PLCD3: variants seen among roughly 807,000 people sequenced by gnomAD.
PLCD3 encodes 1-phosphatidylinositol 4,5-bisphosphate phosphodiesterase delta-3.
A neutral mutation model predicts 82.8 loss-of-function variants in PLCD3; 62 were observed. That is an observed-to-expected ratio of 0.75 (90% CI 0.61 to 0.93). The LOEUF is 0.93. Among genes scored for constraint, PLCD3 ranks in the 40% least tolerant of loss-of-function variants. PLCD3 has a pLI of 0.00. For synonymous variants in PLCD3, 478 were observed against 471.8 expected (o/e 1.01, Z -0.17); for missense variants, 1,023 against 1,103.4 (o/e 0.93, Z 1.03).
At chr17:45,114,407 G>A (rs776732308) in intron 10 of PLCD3, 41 bp from the exon 11 acceptor site, 6 of 1,487,510 alleles carry the variant, frequency 4.0e-6, no homozygotes, top group Non-Finnish European at 4.5e-6. Flanking sequence ...GACTCCGGGG[G>A]TCCCTCACCC....
Position 45,112,659 on chromosome 17 carries a change from G to A in PLCD3, c.2327C>T (p.Ser776Leu). The change falls in exon 15 of 15, where the codon TCA (serine) becomes TTA (leucine). Residue 776 changes from serine (S) to leucine (L), a missense_variant. By Grantham distance (145) the Ser-to-Leu change is moderately radical. This residue lies in a region of PLCD3 where 553 missense variants were observed against 655.7 expected (regional missense o/e 0.84). Coordinates refer to ENST00000619929, the MANE Select transcript of PLCD3 (RefSeq NM_133373.5). ...HLLSKDGASL[S>L]PATLFIQIRI... ...GATTTGGATGAAGAGCGTGGCTGGT[G>A]ACAGTGAGGCCCCGTCCTTGGAAAG... The A allele has an allele frequency of 6.2e-7, 1 of 1,607,460 alleles. No individual in the cohort carries two copies. The highest frequency in any genetic ancestry group is 8.5e-7 in the Non-Finnish European group (1 of 1,177,328).
intron 10 of PLCD3, 133 bp downstream of exon 10, chr17:45,114,961 C>T: frequency 1.5e-6 from 2 of 1,321,706 alleles, no homozygotes; most frequent in Non-Finnish European, 2.0e-6. Context: ...CCCTCATTCC[C>T]TCAGCCCAGC....
At position 45,116,683 on chromosome 17, in the gene PLCD3, C is replaced by A; in HGVS notation, c.1362G>T (p.Leu454=). The part of the protein sequence containing the change: ...RHLCTILGDM[L]VTQALDSPNP... ...TTGGGGAGTCCAGCGCCTGTGTCAC[C>A]AGCATGTCCCCCAGGATGGTGCAGA... The change falls in exon 8 of 15, where the codon CTG becomes CTT. Residue 454 remains leucine (L), a synonymous_variant. Coordinates refer to ENST00000619929, the MANE Select transcript of PLCD3 (RefSeq NM_133373.5). The A allele has an allele frequency of 8.1e-6, 13 of 1,610,644 alleles. No individual in the cohort carries two copies. Among genetic ancestry groups the A allele is most frequent in the Non-Finnish European group, 1.1e-5 (13 of 1,178,098 alleles).
chr17:45,112,518 G>T lies in PLCD3; in HGVS notation c.*98C>A. ...GAGTGGGCCAAGTGGGTGGGCTGGG[G>T]GGCTGGTACTCCCACCACCTGACTC... On this transcript the variant is annotated 3_prime_UTR_variant, in exon 15 of 15. Coordinates refer to ENST00000619929, the MANE Select transcript of PLCD3 (RefSeq NM_133373.5). 1.5e-6 allele frequency: 2 copies of T among 1,320,044 alleles called. No individual in the cohort carries two copies. Among genetic ancestry groups the T allele is most frequent in the Non-Finnish European group, 1.1e-6 (1 of 944,328 alleles). 81.8% of individuals were successfully genotyped at this position (1,320,044 alleles called of 1,614,324 possible). A position where few individuals can be genotyped will look rare whatever the true frequency, so the allele number is the denominator to read the frequency against.
chr17:45,121,056 C>T lies in PLCD3; in HGVS notation c.400G>A (p.Ala134Thr), dbSNP rs768239368. 6.5e-7 allele frequency: 1 copy of T among 1,541,004 alleles called. No homozygotes were observed. Among genetic ancestry groups the T allele is most frequent in the Non-Finnish European group, 8.7e-7 (1 of 1,151,610 alleles). The stretch of plus-strand genomic sequence containing the variant: ...GCGATGGTGAGGCAGCGCGCTGGCG[C>T]GAAGGCACCCCCGAAGCGCCGCAGG... ...EGLRRFGGAF[A>T]PARCLTIAFK... is the part of the protein sequence containing the mutation. The change falls in exon 3 of 15, where the codon GCG becomes ACG. Residue 134 changes from alanine (A) to threonine (T), a missense_variant. Physicochemically the swap from Ala to Thr is moderately conservative, Grantham distance 58. This residue lies in a region of PLCD3 where 448 missense variants were observed against 406.3 expected (regional missense o/e 1.10). Transcript: ENST00000619929.
intron 1 of PLCD3, chr17:45,129,350 C>T (rs1169969186): frequency 6.6e-6 from 1 of 152,248 alleles, no homozygotes; most frequent in East Asian, 1.9e-4. Flanking sequence ...TCTCCTGAGT[C>T]CCAGCTACTT....
Position 45,115,072 on chromosome 17 carries a change from C to T in PLCD3, c.1711+22G>A, listed in dbSNP as rs114855480. The T allele has an allele frequency of 2.0e-3, 3,128 of 1,583,602 alleles. 51 individuals are homozygous for T. The African/African-American group carries it at 0.032, about 16-fold the overall frequency. On this transcript the variant is annotated intron_variant, in intron 10 of 14. Coordinates refer to ENST00000619929, the MANE Select transcript of PLCD3 (RefSeq NM_133373.5). ...GGTCTCTCACCCTCTCGCCCCCAGA[C>T]ACCCAGTGCCCCAGCTCCTACCTGC...
At chr17:45,121,189 C>A in intron 2 of PLCD3, 22 bp downstream of exon 2, 2 of 1,552,360 alleles carry the variant, frequency 1.3e-6, no homozygotes, top group Non-Finnish European at 1.7e-6. Flanking sequence ...CCCTGTCCGC[C>A]CGGCGCTCCC....
At chr17:45,117,641 A>C (rs2054301269) in intron 7 of PLCD3, among the ~76,000 whole-genome samples, 1 of 152,198 alleles carries the variant, frequency 6.6e-6, no homozygotes, top group South Asian at 2.1e-4. Flanking sequence ...CTGTGACCAA[A>C]GTTGCAGTGT....
At chr17:45,117,200 C>G (rs1482875654) in intron 7 of PLCD3, among the ~76,000 whole-genome samples, 2 of 152,174 alleles carry the variant, frequency 1.3e-5, no homozygotes, top group African/African-American at 4.8e-5. Flanking sequence ...CCACCTCAGC[C>G]TCCCAAAGTG....
chr17:45,112,789 C>G lies in PLCD3; in HGVS notation c.2281+74G>C, dbSNP rs1191051154. The stretch of plus-strand genomic sequence containing the variant: ...CGGGCCTGCTTCAGGGCAGGAAATT[C>G]GAGGCACAAAGGTGAACAGGGTCTG... On this transcript the variant is annotated intron_variant, in intron 14 of 14. Coordinates refer to ENST00000619929, the MANE Select transcript of PLCD3 (RefSeq NM_133373.5). 1.1e-5 allele frequency: 17 copies of G among 1,594,866 alleles called. No individual in the cohort carries two copies. The South Asian group carries it at 1.4e-4, about 13-fold the overall frequency.
rs947045091 is a variant in PLCD3, at chr17:45,112,642, T to G, written c.2344A>C (p.Ile782Leu). 3 of 1,605,960 alleles carry G rather than the reference T, an allele frequency of 1.9e-6. No individual in the cohort carries two copies. The highest frequency in any genetic ancestry group is 2.7e-5 in the African/African-American group (2 of 74,776). The change falls in exon 15 of 15, where the codon ATC becomes CTC. Residue 782 changes from isoleucine to leucine, a missense_variant. By Grantham distance (5) the Ile-to-Leu change is conservative (BLOSUM62 2). Transcript: ENST00000619929. ...CAGGAGCGCTGGATGCGGATTTGGA[T>G]GAAGAGCGTGGCTGGTGACAGTGAG... The part of the protein sequence containing the change: ...GASLSPATLF[I>L]QIRIQRS
Position 45,120,943 on chromosome 17 carries a change from G to A in PLCD3, c.513C>T (p.Arg171=). 1.3e-6 allele frequency: 2 copies of A among 1,486,532 alleles called. No individual in the cohort carries two copies. Among genetic ancestry groups the A allele is most frequent in the Non-Finnish European group, 1.8e-6 (2 of 1,125,742 alleles). 92.1% of individuals were successfully genotyped at this position (1,486,532 alleles called of 1,614,324 possible). A position where few individuals can be genotyped will look rare whatever the true frequency, so the allele number is the denominator to read the frequency against. Residue 171 remains arginine (R), a synonymous_variant, in exon 3 of 15, where the codon CGC becomes CGT. Transcript: ENST00000619929. ...GCTGGCTCATGGCGTCCAGGCGCGC[G>A]CGGAGCTTGGTCAGACCGCGCACCC... ...QRWVRGLTKL[R]ARLDAMSQRE...
At chr17:45,119,097 C>A in intron 4 of PLCD3, 54 bp from the exon 5 acceptor site, 2 of 1,399,482 alleles carry the variant, frequency 1.4e-6, no homozygotes, top group Non-Finnish European at 9.8e-7. Context: ...GAAACCTGGC[C>A]CCTTTGACCC....
chr17:45,125,718 C>T (rs1310952259), intron 1 of PLCD3, among the ~76,000 whole-genome samples: 2 of 152,208 alleles, frequency 1.3e-5, no homozygotes, highest in Non-Finnish European at 2.9e-5. Context: ...ATCTGATGCA[C>T]GCTACAACAT....
chr17:45,130,821 G>T (rs1007358272), intron 1 of PLCD3, among the ~76,000 whole-genome samples: 112 of 152,132 alleles, frequency 7.4e-4, no homozygotes, highest in South Asian at 1.7e-3. Flanking sequence ...GCCTGGAGGA[G>T]CTCCTCCCAC....
rs190176891 is a variant in PLCD3, at chr17:45,112,888, T to C, written c.2256A>G (p.Thr752=). Residue 752 remains threonine (T), a synonymous_variant, in exon 14 of 15, where the codon ACA becomes ACG. Transcript: ENST00000619929. ...CTTGCTTTAGGCTGCTAAGAGGCAG[T>C]GTAAACTGGCCCACAAAGTCATTGG... ...TSPNDFVGQF[T]LPLSSLKQGY... is the part of the protein sequence containing the mutation. The C allele has an allele frequency of 8.5e-4, 1,365 of 1,612,536 alleles. 1 individual carries two copies. The highest frequency in any genetic ancestry group is 1.7e-3 in the Admixed American group (99 of 59,784).
intron 13 of PLCD3, 35 bp from the exon 14 acceptor site, chr17:45,113,047 C>T (rs201274961): frequency 9.4e-6 from 15 of 1,602,180 alleles, no homozygotes; most frequent in Non-Finnish European, 1.3e-5. Context: ...AGCCCAGGGG[C>T]CCCAGGACCC....
chr17:45,121,195 C>T lies in PLCD3; in HGVS notation c.325+16G>A, dbSNP rs747656486. On this transcript the variant is annotated intron_variant, in intron 2 of 14. Transcript: ENST00000619929. ...TCCCCACCTCCCTGTCCGCCCGGCG[C>T]TCCCCGGCCTCTCACAGATGTGCTG... 2 of 1,560,644 alleles carry T rather than the reference C, an allele frequency of 1.3e-6. No homozygotes were observed. Among genetic ancestry groups the T allele is most frequent in the Non-Finnish European group, 1.7e-6 (2 of 1,162,432 alleles).
Sources: gnomAD v4.1 joint callset for allele counts (sites outside exome capture counted in the v4.1 genomes callset) on GRCh38, gnomAD v4.1.1 for gene constraint, gnomAD v4.1.1 regional missense constraint, MANE v1.5 for transcripts, NCBI Gene and HGNC (gene_info 2026-07-23, HGNC 2026-07-21) for gene names.